The following SYTL3 variants were observed in gnomAD, a reference collection of about 807,000 sequenced individuals.
SYTL3 encodes the protein synaptotagmin like 3.
A neutral mutation model predicts 82.1 loss-of-function variants in SYTL3; 88 were observed. The ratio of observed to expected loss-of-function variants is 1.07; its 90% CI spans 0.90 to 1.28. The LOEUF is 1.28. SYTL3 is among the 50% of genes most tolerant of loss of function. The pLI, the probability that SYTL3 is intolerant of heterozygous loss-of-function variation, is 0.00. For missense variants in SYTL3, 831 were observed against 757.6 expected, an observed-to-expected ratio of 1.10 and a Z score of -1.14; for synonymous variants, 311 against 289.4, an observed-to-expected ratio of 1.07 and a Z score of -0.76.
chr6:158,688,619 AAAATT>A (rs1779538015), intron 6 of SYTL3, among the ~76,000 whole-genome samples: 1 of 152,228 alleles, frequency 6.6e-6, no homozygotes, highest in African/African-American at 2.4e-5. Context: ...ATGAAATTAA[AAAATT>A]AAAACCTAGA....
intron 6 of SYTL3, among the ~76,000 whole-genome samples, chr6:158,683,235 T>C (rs1778926269): frequency 6.7e-6 from 1 of 149,180 alleles, no homozygotes; most frequent in Non-Finnish European, 1.5e-5. Context: ...TTTTTTTTTT[T>C]TTTTGAGGCG....
intron 10 of SYTL3, among the ~76,000 whole-genome samples, chr6:158,720,885 A>T (rs1477261973): frequency 1.3e-5 from 2 of 152,092 alleles, no homozygotes; most frequent in East Asian, 3.9e-4. Flanking sequence ...TTGCACCGTG[A>T]TGTGCTGTGT....
At chr6:158,741,059 T>C (rs529741498) in intron 11 of SYTL3, among the ~76,000 whole-genome samples, 2 of 152,290 alleles carry the variant, frequency 1.3e-5, no homozygotes, top group South Asian at 4.2e-4. Context: ...CCTGATTTGT[T>C]CAACTTTTGT....
chr6:158,728,154 T>A (rs1784961813), intron 11 of SYTL3, among the ~76,000 whole-genome samples: 1 of 152,182 alleles, frequency 6.6e-6, no homozygotes, highest in African/African-American at 2.4e-5. Context: ...CTGTGTCTCG[T>A]CCATCTGCAA....
At chr6:158,762,019 T>G in intron 15 of SYTL3, 57 bp from the exon 16 acceptor site, 1 of 1,290,110 alleles carries the variant, frequency 7.8e-7, no homozygotes, top group Non-Finnish European at 1.1e-6. Context: ...GTGGTGGTAC[T>G]GCATACTAAC....
intron 14 of SYTL3, 126 bp downstream of exon 14, chr6:158,757,507 C>A: frequency 9.5e-7 from 1 of 1,047,248 alleles, no homozygotes; most frequent in Non-Finnish European, 1.4e-6. Context: ...TGTTCGCCGG[C>A]CTGGCGCTGT....
chr6:158,739,347 G>T (rs1786623159), intron 11 of SYTL3, among the ~76,000 whole-genome samples: 3 of 151,940 alleles, frequency 2.0e-5, no homozygotes, highest in African/African-American at 7.3e-5. Context: ...CTACCATTAA[G>T]ATTTTCTCTT....
At chr6:158,649,229 TG>T (rs1448589939), upstream of SYTL3, among the ~76,000 whole-genome samples, 2 of 152,200 alleles carry the variant, frequency 1.3e-5, no homozygotes, top group Admixed American at 1.3e-4. Context: ...CTAGGTTAGC[TG>T]CAGAAACAAA....
intron 3 of SYTL3, among the ~76,000 whole-genome samples, chr6:158,662,496 T>C (rs1467272208): frequency 6.6e-6 from 1 of 152,228 alleles, no homozygotes; most frequent in African/African-American, 2.4e-5. Context: ...ATTAGGGTAA[T>C]GTACATTAAA....
In SYTL3 at chr6:158,664,497, C is replaced by T. The variant is rs1418190696; in HGVS notation, c.111-898C>T. Among the ~76,000 whole-genome samples the T allele has an allele frequency of 3.9e-5, 6 of 152,190 alleles. No individual in the cohort carries two copies. The South Asian group carries it at 8.3e-4, about 21-fold the overall frequency. ...GGTGGAGTTTGCAGTGAGCTGAGAT[C>T]GCGCCACTGCACTCCAGCCTGGGCA... On this transcript the variant is annotated intron_variant, in intron 4 of 17. Coordinates refer to ENST00000611299, the MANE Select transcript of SYTL3 (RefSeq NM_001242394.2).
At chr6:158,654,774 C>T (rs142512561) in intron 2 of SYTL3, among the ~76,000 whole-genome samples, 4 of 152,136 alleles carry the variant, frequency 2.6e-5, no homozygotes, top group African/African-American at 9.7e-5. Flanking sequence ...TGAGCCCAGA[C>T]TGTCTGGCTC....
chr6:158,708,672 A>G (rs1349625889), intron 8 of SYTL3, among the ~76,000 whole-genome samples: 1 of 151,602 alleles, frequency 6.6e-6, no homozygotes, highest in Non-Finnish European at 1.5e-5. Flanking sequence ...CCCTTCCCCA[A>G]CTCTGCTCTG....
chr6:158,758,427 ACT>A (rs113727807), intron 14 of SYTL3, among the ~76,000 whole-genome samples: 50,993 of 145,976 alleles, frequency 0.35, 9,832 homozygotes, highest in East Asian at 0.78. Context: ...ACAGAGCGAG[ACT>A]CTGTCTCAAA....
At chr6:158,700,817 T>C (rs557945267) in intron 6 of SYTL3, among the ~76,000 whole-genome samples, 180 of 152,208 alleles carry the variant, frequency 1.2e-3, no homozygotes, top group East Asian at 2.1e-3. Flanking sequence ...GGGGTTTCAC[T>C]GTGTTAGCCA....
intron 9 of SYTL3, among the ~76,000 whole-genome samples, chr6:158,715,596 G>T (rs1346753504): frequency 1.7e-5 from 1 of 58,036 alleles, no homozygotes; most frequent in Non-Finnish European, 3.7e-5. Context: ...GACTGAAACC[G>T]CATCACACAC....
At chr6:158,722,762 GTTTTTTT>G (rs34189391) in intron 10 of SYTL3, among the ~76,000 whole-genome samples, 6 of 80,878 alleles carry the variant, frequency 7.4e-5, no homozygotes, top group African/African-American at 2.2e-4. Flanking sequence ...TCTCTTTTCT[GTTTTTTT>G]TTTTTTTTTT....
intron 6 of SYTL3, among the ~76,000 whole-genome samples, chr6:158,704,092 G>T (rs1057114344): frequency 3.3e-5 from 5 of 151,868 alleles, no homozygotes; most frequent in African/African-American, 1.2e-4. Context: ...CTCCCAAAGT[G>T]CTGGGATTAC....
chr6:158,648,233 C>T (rs781539566), upstream of SYTL3, among the ~76,000 whole-genome samples: 14 of 151,866 alleles, frequency 9.2e-5, no homozygotes, highest in African/African-American at 2.9e-4. Context: ...GCAGAGATTG[C>T]GGTGAGCTGA....
At chr6:158,647,273 T>G (rs1265759295), upstream of SYTL3, among the ~76,000 whole-genome samples, 1 of 152,240 alleles carries the variant, frequency 6.6e-6, no homozygotes, top group East Asian at 1.9e-4. Flanking sequence ...TGGGTACCAC[T>G]CTCCAATTTT....
Sources: allele counts gnomAD v4.1 joint callset (sites outside exome capture counted in the v4.1 genomes callset), GRCh38; gene constraint gnomAD v4.1.1; transcripts MANE v1.5; gene names NCBI Gene and HGNC (gene_info 2026-07-23, HGNC 2026-07-21).